The following TPRG1 variants were observed in gnomAD, a reference collection of about 807,000 sequenced individuals.
The protein encoded by TPRG1 is tumor protein p63 regulated 1.
TPRG1 carries 29 observed loss-of-function variants against 29.3 expected under a neutral mutation model. The ratio of observed to expected loss-of-function variants is 0.99; its 90% confidence interval spans 0.74 to 1.35. The LOEUF is 1.35. Ranked by LOEUF, TPRG1 falls within the 40% of genes most tolerant of loss-of-function variation. The pLI is 0.00. For synonymous variants in TPRG1, 130 were observed against 116.8 expected, an observed-to-expected ratio of 1.11 and a Z score of -0.73; for missense variants, 327 against 335.0, an observed-to-expected ratio of 0.98 and a Z score of 0.19.
intron 4 of TPRG1, among the ~76,000 whole-genome samples, chr3:189,047,131 A>G (rs922469911): frequency 6.6e-6 from 1 of 152,210 alleles, no homozygotes; most frequent in African/African-American, 2.4e-5. Context: ...AGTAAGAGAT[A>G]TATCATATAT....
intron 4 of TPRG1, among the ~76,000 whole-genome samples, chr3:189,261,276 T>C (rs1286235474): frequency 1.3e-5 from 2 of 152,094 alleles, no homozygotes; most frequent in Non-Finnish European, 2.9e-5. Context: ...CTGGCTAACT[T>C]TTAATTAAGA....
intron 1 of TPRG1, among the ~76,000 whole-genome samples, chr3:189,175,966 A>G (rs915619104): frequency 7.9e-5 from 12 of 152,172 alleles, no homozygotes. Flanking sequence ...GGCATAGAAG[A>G]TTCTTGATAT....
At chr3:189,142,977 T>C (rs1471014791) in intron 3 of TPRG1, among the ~76,000 whole-genome samples, 2 of 152,246 alleles carry the variant, frequency 1.3e-5, no homozygotes, top group African/African-American at 2.4e-5. Flanking sequence ...TAGAACTCCA[T>C]AGATTTAAGG....
chr3:189,138,398 ACAAATAC>A lies in TPRG1; in HGVS notation c.-291+5704_-291+5710del, dbSNP rs371941355. On this transcript the variant is annotated intron_variant, in intron 3 of 6. Transcript: ENST00000412373. ...GGCTAGCTACATTAACAACCAACCAACAAATACCAGCGGATTAAGAGAGCAGACTTTC... is the reference window on the plus strand; with the variant it reads ...GGCTAGCTACATTAACAACCAACCAACAGCGGATTAAGAGAGCAGACTTTC... 1.7e-3 allele frequency among the ~76,000 whole-genome samples: 258 copies of A among 152,316 alleles called. 1 individual carries two copies. The highest frequency in any genetic ancestry group is 5.9e-3 in the African/African-American group (245 of 41,574).
intron 1 of TPRG1, among the ~76,000 whole-genome samples, chr3:189,202,531 CG>C (rs1429864502): frequency 6.6e-6 from 1 of 152,012 alleles, no homozygotes; most frequent in Non-Finnish European, 1.5e-5. Context: ...TTAGGCAAAA[CG>C]TAATAGGTTT....
intron 1 of TPRG1, among the ~76,000 whole-genome samples, chr3:189,111,818 T>G (rs1720564330): frequency 6.6e-6 from 1 of 152,174 alleles, no homozygotes; most frequent in Non-Finnish European, 1.5e-5. Context: ...CTTGCCTTGT[T>G]GCACTGGCTT....
At chr3:189,203,251 C>T (rs1244061201) in intron 1 of TPRG1, among the ~76,000 whole-genome samples, 1 of 151,726 alleles carries the variant, frequency 6.6e-6, no homozygotes. Flanking sequence ...AAATTTAGTT[C>T]TGAATTTTCT....
intron 1 of TPRG1, chr3:189,190,938 C>T (rs555869413): frequency 7.6e-5 from 75 of 984,978 alleles, no homozygotes; most frequent in Non-Finnish European, 9.0e-5. Flanking sequence ...TGCAATGAGC[C>T]GGCTTTGAGA....
intron 4 of TPRG1, among the ~76,000 whole-genome samples, chr3:189,068,825 G>A (rs1716634689): frequency 6.6e-6 from 1 of 151,900 alleles, no homozygotes; most frequent in Non-Finnish European, 1.5e-5. Context: ...GAGGGAGGAG[G>A]GAGGACAAGT....
intron 3 of TPRG1, among the ~76,000 whole-genome samples, chr3:189,218,919 C>A (rs1002626427): frequency 6.6e-6 from 1 of 152,112 alleles, no homozygotes; most frequent in Non-Finnish European, 1.5e-5. Context: ...AGAGAAGAGA[C>A]TGGAGAAGAG....
At chr3:189,126,550 A>G (rs1374025174) in intron 1 of TPRG1, among the ~76,000 whole-genome samples, 1 of 152,176 alleles carries the variant, frequency 6.6e-6, no homozygotes, top group Admixed American at 6.5e-5. Flanking sequence ...ATTTTAAAGC[A>G]TTTTTATATG....
intron 1 of TPRG1, among the ~76,000 whole-genome samples, chr3:189,193,749 T>C (rs1223015975): frequency 1.3e-5 from 2 of 151,276 alleles, no homozygotes; most frequent in African/African-American, 2.4e-5. Context: ...GGGATTTCTG[T>C]TTGCTGCTTT....
chr3:189,066,117 C>T (rs1716428085), intron 4 of TPRG1, among the ~76,000 whole-genome samples: 1 of 152,010 alleles, frequency 6.6e-6, no homozygotes, highest in Admixed American at 6.6e-5. Flanking sequence ...AAGTTTAAGC[C>T]ATGAAGAAAT....
intron 4 of TPRG1, among the ~76,000 whole-genome samples, chr3:189,256,465 GAA>G (rs1711903290): frequency 6.6e-6 from 1 of 152,180 alleles, no homozygotes; most frequent in African/African-American, 2.4e-5. Context: ...GTGGTGCTGA[GAA>G]GAATGTATAT....
chr3:189,248,632 T>C (rs1470926443), intron 4 of TPRG1, among the ~76,000 whole-genome samples: 1 of 151,292 alleles, frequency 6.6e-6, no homozygotes, highest in Admixed American at 6.6e-5. Flanking sequence ...ACATAATAGA[T>C]TTTATTATTA....
At chr3:189,254,257 A>G (rs887193608) in intron 4 of TPRG1, among the ~76,000 whole-genome samples, 2 of 151,966 alleles carry the variant, frequency 1.3e-5, no homozygotes, top group Non-Finnish European at 2.9e-5. Context: ...ATTTTTCCCA[A>G]CACCACTTAT....
intron 5 of TPRG1, among the ~76,000 whole-genome samples, chr3:189,154,144 A>AT (rs1419799920): frequency 3.3e-4 from 50 of 152,316 alleles, no homozygotes; most frequent in African/African-American, 1.2e-3. Context: ...CATCTCACCA[A>AT]TAACTCACAT....
At chr3:189,035,994 AC>A (rs1714243267) in intron 4 of TPRG1, among the ~76,000 whole-genome samples, 1 of 152,152 alleles carries the variant, frequency 6.6e-6, no homozygotes, top group South Asian at 2.1e-4. Flanking sequence ...AGCACTATTC[AC>A]AATAGGAAAG....
intron 4 of TPRG1, among the ~76,000 whole-genome samples, chr3:189,240,771 G>A (rs753939771): frequency 3.9e-5 from 6 of 151,996 alleles, no homozygotes; most frequent in Non-Finnish European, 5.9e-5. Flanking sequence ...ACCATATCAA[G>A]GTCTCTCTGT....
Sources: allele counts gnomAD v4.1 joint callset (sites outside exome capture counted in the v4.1 genomes callset), GRCh38; gene constraint gnomAD v4.1.1; transcripts MANE v1.5; gene names NCBI Gene and HGNC (gene_info 2026-07-23, HGNC 2026-07-21).